Variants in C6orf62 observed in about 807,000 individuals in gnomAD.
The protein encoded by C6orf62 is uncharacterized protein C6orf62.
A neutral mutation model predicts 26.8 loss-of-function variants in C6orf62; 16 were observed. The ratio of observed to expected loss-of-function variants is 0.60; its 90% CI spans 0.40 to 0.91. The LOEUF (loss-of-function observed/expected upper bound fraction) is 0.91, where lower values mean the gene tolerates loss of function less well. Among genes scored for constraint, C6orf62 ranks in the 40% least tolerant of loss-of-function variants. The probability of loss-of-function intolerance (pLI) is 0.00; values close to 1 mark genes in which losing one functional copy is unlikely to be tolerated. For missense variants in C6orf62, 192 were observed against 271.4 expected (o/e 0.71, Z 2.06); for synonymous variants, 112 against 91.5 (o/e 1.22, Z -1.28).
chr6:24,709,410 C>T (rs1442234432), intron 3 of C6orf62: 1 of 972,136 alleles, frequency 1.0e-6, no homozygotes, highest in Non-Finnish European at 1.2e-6. Context: ...ATTGCTGTTT[C>T]TAAGAAAAAA....
chr6:24,719,962 T>C, upstream of C6orf62: 1 of 1,547,882 alleles, frequency 6.5e-7, no homozygotes, highest in Non-Finnish European at 8.7e-7. Context: ...ATGGGAAGGT[T>C]CAGTGGGGGA....
In C6orf62 at chr6:24,718,751, A is replaced by G; in HGVS notation, c.-83T>C. ...TTTCTTAAGACTCAAGTACAACAGAAACAAGTCATTTTTTTTCCTGCTAAT... is the reference window on the plus strand; with the variant it reads ...TTTCTTAAGACTCAAGTACAACAGAGACAAGTCATTTTTTTTCCTGCTAAT... On this transcript the variant is annotated 5_prime_UTR_variant, in exon 1 of 5. Coordinates refer to ENST00000378119, the MANE Select transcript of C6orf62 (RefSeq NM_030939.5). 1 of 1,580,966 alleles carries G rather than the reference A, an allele frequency of 6.3e-7. No homozygotes were observed. Among genetic ancestry groups the G allele is most frequent in the Non-Finnish European group, 8.5e-7 (1 of 1,172,060 alleles).
At chr6:24,711,242 A>G (rs973257040) in intron 3 of C6orf62, among the ~76,000 whole-genome samples, 3 of 150,870 alleles carry the variant, frequency 2.0e-5, no homozygotes, top group African/African-American at 7.3e-5. Context: ...GAAATGGTAC[A>G]CACACACACA....
upstream of C6orf62, chr6:24,720,357 A>G (rs1779331800): frequency 1.6e-6 from 2 of 1,235,902 alleles, no homozygotes; most frequent in Non-Finnish European, 2.0e-6. Flanking sequence ...CAGCCAACTG[A>G]GCCCCTCCAT....
Position 24,706,199 on chromosome 6 carries a change from G to A in C6orf62, c.628C>T (p.Gln210Ter). The A allele has an allele frequency of 1.2e-6, 2 of 1,614,200 alleles. No individual in the cohort carries two copies. Among genetic ancestry groups the A allele is most frequent in the Non-Finnish European group, 1.7e-6 (2 of 1,180,036 alleles). Residue 210 changes from glutamine to a stop codon, truncating the protein, a stop_gained, in exon 5 of 5, where the codon CAG becomes TAG. Coordinates refer to ENST00000378119, the MANE Select transcript of C6orf62 (RefSeq NM_030939.5). LOFTEE classifies it high-confidence loss of function. ...CSICLYLPQE[Q>*]LTHWAVGTIE... is the part of the protein sequence containing the mutation. ...GTGCCAACTGCCCAGTGGGTGAGCTGTTCCTGTGGCAGGTAGAGGCAGATG... is the reference window on the plus strand; with the variant it reads ...GTGCCAACTGCCCAGTGGGTGAGCTATTCCTGTGGCAGGTAGAGGCAGATG...
rs968443281 is a variant in C6orf62, at chr6:24,718,731, T to C, written c.-63A>G. On this transcript the variant is annotated 5_prime_UTR_variant, in exon 1 of 5. Coordinates refer to ENST00000378119, the MANE Select transcript of C6orf62 (RefSeq NM_030939.5). ...TCACTAAACTATGGGCACTTTTTCTTAAGACTCAAGTACAACAGAAACAAG... is the reference window on the plus strand; with the variant it reads ...TCACTAAACTATGGGCACTTTTTCTCAAGACTCAAGTACAACAGAAACAAG... 3.1e-6 allele frequency: 5 copies of C among 1,596,908 alleles called. No individual in the cohort carries two copies. The highest frequency in any genetic ancestry group is 4.3e-6 in the Non-Finnish European group (5 of 1,176,228).
Position 24,704,974 on chromosome 6 carries a change from T to TG in C6orf62, c.*1162dup, listed in dbSNP as rs1167513479. The stretch of plus-strand genomic sequence containing the variant: ...CCAGAAGCTAAATACAATTGGAAAC[T>TG]GGTAAGCACTAGTTTTACTCCAAAG... On this transcript the variant is annotated 3_prime_UTR_variant, in exon 5 of 5. Transcript: ENST00000378119. The TG allele has an allele frequency of 6.6e-6, 1 of 152,230 alleles. No individual in the cohort carries two copies. The highest frequency in any genetic ancestry group is 1.5e-5 in the Non-Finnish European group (1 of 67,944). The allele number at this position is 152,230 out of a possible 1,614,324, so 9.4% of individuals were successfully genotyped here.
chr6:24,706,755 TA>T (rs1309216960), intron 4 of C6orf62: 1 of 155,482 alleles, frequency 6.4e-6, no homozygotes, highest in Non-Finnish European at 1.4e-5. Flanking sequence ...CTACAAAAAA[TA>T]TAAAAATTAG....
chr6:24,710,163 G>A lies in C6orf62; in HGVS notation c.430-1252C>T, dbSNP rs75441965. Reference sequence around the variant, plus strand: ...AGGAATAAGGTTACTTCAGCCTTAAGGGGCTTATTATACTGCTGAAGAGGA... The same window carrying A: ...AGGAATAAGGTTACTTCAGCCTTAAAGGGCTTATTATACTGCTGAAGAGGA... On this transcript the variant is annotated intron_variant, in intron 3 of 4. Coordinates refer to ENST00000378119, the MANE Select transcript of C6orf62 (RefSeq NM_030939.5). The A allele has an allele frequency of 1.7e-3, 1,652 of 985,106 alleles. 18 individuals carry two copies. The African/African-American group carries it at 0.027, about 16-fold the overall frequency. 61.0% of individuals were successfully genotyped at this position (985,106 alleles called of 1,614,324 possible). A position where few individuals can be genotyped will look rare whatever the true frequency, so the allele number is the denominator to read the frequency against.
intron 2 of C6orf62, 67 bp downstream of exon 2, chr6:24,716,081 G>C (rs1779223889): frequency 7.2e-7 from 1 of 1,389,332 alleles, no homozygotes; most frequent in Non-Finnish European, 1.0e-6. Flanking sequence ...GGGGGGTTCG[G>C]GGGGCGGGGA....
upstream of C6orf62, chr6:24,720,301 G>C: frequency 7.6e-7 from 1 of 1,309,394 alleles, no homozygotes; most frequent in South Asian, 2.3e-5. Flanking sequence ...CGGCGGCGGG[G>C]GCGCTGCTGG....
chr6:24,713,364 T>C (rs1779158830), intron 3 of C6orf62, among the ~76,000 whole-genome samples: 1 of 152,194 alleles, frequency 6.6e-6, no homozygotes, highest in African/African-American at 2.4e-5. Context: ...AAAATGATAA[T>C]TATTAGAGCT....
intron 3 of C6orf62, chr6:24,709,379 T>G: frequency 1.0e-6 from 1 of 985,266 alleles, no homozygotes; most frequent in Non-Finnish European, 1.2e-6. Context: ...TCTTTTCTTT[T>G]GATTAGGAGT....
chr6:24,708,380 G>A (rs184319169), intron 4 of C6orf62, among the ~76,000 whole-genome samples: 57 of 152,076 alleles, frequency 3.7e-4, no homozygotes, highest in African/African-American at 1.3e-3. Flanking sequence ...ACAGGGTCTC[G>A]TTCTGTCATT....
upstream of C6orf62, chr6:24,720,304 G>A (rs1016026370): frequency 6.3e-5 from 83 of 1,311,118 alleles, no homozygotes; most frequent in Admixed American, 3.4e-4. Context: ...CGGCGGGGGC[G>A]CTGCTGGTAG....
At position 24,709,911 on chromosome 6, in the gene C6orf62, G is replaced by A. The variant is rs1051084416; in HGVS notation, c.430-1000C>T. On this transcript the variant is annotated intron_variant, in intron 3 of 4. Coordinates refer to ENST00000378119, the MANE Select transcript of C6orf62 (RefSeq NM_030939.5). Reference sequence around the variant, plus strand: ...TTTGGTTCAAACAAATTTTATTGCCGTTACGTCAAAAACAGTAGGAAATAA... The same window carrying A: ...TTTGGTTCAAACAAATTTTATTGCCATTACGTCAAAAACAGTAGGAAATAA... 58 of 985,356 alleles carry A rather than the reference G, an allele frequency of 5.9e-5. No individual in the cohort carries two copies. The African/African-American group carries it at 7.0e-4, about 12-fold the overall frequency. The allele number at this position is 985,356 out of a possible 1,614,324, so 61.0% of individuals were successfully genotyped here.
Position 24,714,245 on chromosome 6 carries a change from C to T in C6orf62, c.429+73G>A, listed in dbSNP as rs543095115. 8 of 1,175,252 alleles carry T rather than the reference C, an allele frequency of 6.8e-6. No individual in the cohort carries two copies. In the East Asian group the frequency reaches 2.1e-4, roughly 31 times the overall value. 72.8% of individuals were successfully genotyped at this position (1,175,252 alleles called of 1,614,324 possible). A position where few individuals can be genotyped will look rare whatever the true frequency, so the allele number is the denominator to read the frequency against. On this transcript the variant is annotated intron_variant, in intron 3 of 4. Transcript: ENST00000378119. ...CAGAAACCATTTTCCCAAAGAATTT[C>T]TCAAGTTAGACCCTATTATATTCTA...
intron 2 of C6orf62, among the ~76,000 whole-genome samples, chr6:24,714,888 G>GGA (rs1329744681): frequency 1.3e-5 from 2 of 152,038 alleles, no homozygotes; most frequent in Non-Finnish European, 2.9e-5. Context: ...CGAAGTGCTG[G>GGA]GATTACAGGC....
At position 24,706,271 on chromosome 6, in the gene C6orf62, G is replaced by A; in HGVS notation, c.565-9C>T. ...GCTTTGTTTTTTGGAGTCTGGAAGG[G>A]GAAAACATTTTAATATTTTTTAAAA... On this transcript the variant is annotated splice_polypyrimidine_tract_variant and intron_variant, in intron 4 of 4. Coordinates refer to ENST00000378119, the MANE Select transcript of C6orf62 (RefSeq NM_030939.5). 6.2e-7 allele frequency: 1 copy of A among 1,613,432 alleles called. No individual in the cohort carries two copies. The highest frequency in any genetic ancestry group is 8.5e-7 in the Non-Finnish European group (1 of 1,179,798).
Sources: allele counts gnomAD v4.1 joint callset (sites outside exome capture counted in the v4.1 genomes callset), GRCh38; gene constraint gnomAD v4.1.1; transcripts MANE v1.5; gene names NCBI Gene and HGNC (gene_info 2026-07-23, HGNC 2026-07-21).